The following WWOX variants were observed in gnomAD, a reference collection of about 807,000 sequenced individuals.
WWOX encodes the protein WW domain containing oxidoreductase.
A neutral mutation model predicts 46.2 loss-of-function variants in WWOX; 69 were observed. The ratio of observed to expected loss-of-function variants is 1.49; its 90% CI spans 1.23 to 1.82. The LOEUF (loss-of-function observed/expected upper bound fraction) is 1.82, where lower values mean the gene tolerates loss of function less well. Among genes scored for constraint, WWOX ranks in the 40% most tolerant of loss-of-function variants. The pLI, the probability that WWOX is intolerant of heterozygous loss-of-function variation, is 0.00. For missense variants in WWOX, 919 were observed against 542.6 expected (o/e 1.69, Z -6.89); for synonymous variants, 359 against 202.6 (o/e 1.77, Z -6.56).
chr16:78,157,913 A>C (rs529371423), intron 4 of WWOX, among the ~76,000 whole-genome samples: 2 of 152,360 alleles, frequency 1.3e-5, no homozygotes, highest in East Asian at 3.9e-4. Context: ...AAAAGCAGGC[A>C]ACTAACATTT....
At chr16:79,207,325 G>C (rs2051549068) in intron 8 of WWOX, among the ~76,000 whole-genome samples, 1 of 152,244 alleles carries the variant, frequency 6.6e-6, no homozygotes, top group Non-Finnish European at 1.5e-5. Flanking sequence ...GGTTTGAAGA[G>C]GTATGTGTCT....
chr16:79,137,733 C>A (rs540274992), intron 8 of WWOX, among the ~76,000 whole-genome samples: 15 of 152,196 alleles, frequency 9.9e-5, no homozygotes, highest in African/African-American at 2.9e-4. Context: ...TGCCCCCACT[C>A]CTCCTGCTCT....
At chr16:78,943,588 A>G (rs1353997061) in intron 8 of WWOX, among the ~76,000 whole-genome samples, 1 of 152,204 alleles carries the variant, frequency 6.6e-6, no homozygotes. Context: ...CCTGGGAAAC[A>G]AACAAAATAG....
intron 5 of WWOX, among the ~76,000 whole-genome samples, chr16:78,262,676 T>G (rs1336146091): frequency 6.6e-6 from 1 of 152,080 alleles, no homozygotes; most frequent in Non-Finnish European, 1.5e-5. Context: ...GGACAGGAAC[T>G]CAGGAGGAGG....
chr16:78,996,161 T>TA, intron 8 of WWOX: 1 of 967,620 alleles, frequency 1.0e-6, no homozygotes, highest in Non-Finnish European at 1.2e-6. Flanking sequence ...ATTTTTTTTT[T>TA]AACGAAACTC....
At chr16:78,696,081 G>T (rs2048092557) in intron 8 of WWOX, among the ~76,000 whole-genome samples, 2 of 152,190 alleles carry the variant, frequency 1.3e-5, no homozygotes, top group South Asian at 4.1e-4. Flanking sequence ...ACACGGTCAA[G>T]TTTGAGATGT....
chr16:78,778,791 C>T (rs1024945271), intron 8 of WWOX, among the ~76,000 whole-genome samples: 1 of 152,198 alleles, frequency 6.6e-6, no homozygotes, highest in African/African-American at 2.4e-5. Context: ...TGAGCCATTT[C>T]TGTCCTTTTC....
chr16:78,974,703 C>T (rs1340425231), intron 8 of WWOX, among the ~76,000 whole-genome samples: 5 of 152,188 alleles, frequency 3.3e-5, no homozygotes, highest in Admixed American at 6.5e-5. Flanking sequence ...ATGGTGTTTA[C>T]AGAGTTGCCA....
At chr16:78,539,144 T>C (rs1039327425) in intron 8 of WWOX, among the ~76,000 whole-genome samples, 3 of 152,228 alleles carry the variant, frequency 2.0e-5, no homozygotes, top group African/African-American at 7.2e-5. Context: ...AATGATGTTT[T>C]ATTGAATTTT....
chr16:78,110,323 G>C (rs1161894735), intron 3 of WWOX, among the ~76,000 whole-genome samples: 2 of 117,106 alleles, frequency 1.7e-5, no homozygotes, highest in Non-Finnish European at 3.3e-5. Flanking sequence ...CTGGGTGACA[G>C]AATGAGACTC....
intron 8 of WWOX, among the ~76,000 whole-genome samples, chr16:79,169,442 G>T (rs1212415584): frequency 6.6e-6 from 1 of 152,176 alleles, no homozygotes; most frequent in Non-Finnish European, 1.5e-5. Context: ...GCTGCAGAGG[G>T]TCTCACTGAG....
At chr16:78,102,216 C>T (rs377154285) in intron 1 of WWOX, among the ~76,000 whole-genome samples, 3 of 152,098 alleles carry the variant, frequency 2.0e-5, no homozygotes, top group Admixed American at 6.5e-5. Flanking sequence ...AAGCCCAGAG[C>T]GGTGTTTTGA....
At chr16:78,949,494 C>T (rs1482362124) in intron 8 of WWOX, among the ~76,000 whole-genome samples, 2 of 152,120 alleles carry the variant, frequency 1.3e-5, no homozygotes, top group Non-Finnish European at 2.9e-5. Flanking sequence ...AATAGAATTG[C>T]TTTTGTGGGA....
chr16:78,848,710 C>G (rs2052362762), intron 8 of WWOX, among the ~76,000 whole-genome samples: 1 of 152,164 alleles, frequency 6.6e-6, no homozygotes, highest in Admixed American at 6.5e-5. Context: ...TGCTCTCCTC[C>G]TACCAACAGG....
intron 8 of WWOX, among the ~76,000 whole-genome samples, chr16:79,012,507 T>C (rs184515688): frequency 5.3e-4 from 80 of 152,278 alleles, no homozygotes; most frequent in African/African-American, 1.9e-3. Flanking sequence ...AGTACTGGGA[T>C]TACAGACAAG....
chr16:78,917,937 C>G (rs557486966), intron 8 of WWOX, among the ~76,000 whole-genome samples: 4 of 152,112 alleles, frequency 2.6e-5, no homozygotes, highest in Non-Finnish European at 5.9e-5. Context: ...CGTGGTGGCT[C>G]ACACACATAA....
intron 5 of WWOX, among the ~76,000 whole-genome samples, chr16:78,376,040 G>T (rs1158122501): frequency 6.6e-6 from 1 of 151,876 alleles, no homozygotes; most frequent in Non-Finnish European, 1.5e-5. Context: ...TGTAGAGATG[G>T]GGTTTCACCA....
chr16:79,190,501 A>G (rs1332689104), intron 8 of WWOX, among the ~76,000 whole-genome samples: 1 of 152,164 alleles, frequency 6.6e-6, no homozygotes, highest in Non-Finnish European at 1.5e-5. Context: ...GCCCCAAGAG[A>G]GAGGCCTCAC....
intron 6 of WWOX, among the ~76,000 whole-genome samples, chr16:78,399,621 G>T (rs994431454): frequency 2.0e-5 from 3 of 152,242 alleles, no homozygotes; most frequent in African/African-American, 4.8e-5. Context: ...CGGCGTCAGG[G>T]TTTCAACATT....
Sources: allele counts gnomAD v4.1 joint callset (sites outside exome capture counted in the v4.1 genomes callset), GRCh38; gene constraint gnomAD v4.1.1; transcripts MANE v1.5; gene names NCBI Gene and HGNC (gene_info 2026-07-23, HGNC 2026-07-21).